Variants in SFXN5 observed in about 807,000 individuals in gnomAD.
The protein encoded by SFXN5 is sideroflexin-5.
SFXN5 carries 43 observed loss-of-function variants against 50.2 expected under a neutral mutation model. The ratio of observed to expected loss-of-function variants is 0.86; its 90% CI spans 0.67 to 1.11. SFXN5 has a LOEUF of 1.11. Among genes scored for constraint, SFXN5 ranks in the 50% least tolerant of loss-of-function variants. The pLI, the probability that SFXN5 is intolerant of heterozygous loss-of-function variation, is 0.00. For synonymous variants in SFXN5, 203 were observed against 185.8 expected, an observed-to-expected ratio of 1.09 and a Z score of -0.75; for missense variants, 463 against 454.1, an observed-to-expected ratio of 1.02 and a Z score of -0.18.
chr2:72,957,148 T>C, intron 13 of SFXN5: 1 of 448,942 alleles, frequency 2.2e-6, no homozygotes, highest in African/African-American at 2.0e-5. Flanking sequence ...CTCCCCCCCA[T>C]ACACTGAAGG....
intron 2 of SFXN5, among the ~76,000 whole-genome samples, chr2:73,048,709 T>C (rs934046138): frequency 6.6e-6 from 1 of 152,328 alleles, no homozygotes; most frequent in Admixed American, 6.5e-5. Flanking sequence ...GGATGCTAAG[T>C]TTGGTCATCT....
chr2:72,943,425 G>A lies in SFXN5; in HGVS notation c.*1597C>T. The A allele has an allele frequency of 6.5e-6, 1 of 152,914 alleles. No homozygotes were observed. Among genetic ancestry groups the A allele is most frequent in the Non-Finnish European group, 1.5e-5 (1 of 68,294 alleles). The allele number at this position is 152,914 out of a possible 1,614,324, so 9.5% of individuals were successfully genotyped here. ...TTCTAGGTGGGGTCAGGAGGGGGCT[G>A]CACTGAGGCTGGTGCTTCCCCCTGG... is the stretch of plus-strand genomic sequence containing the variant. On this transcript the variant is annotated 3_prime_UTR_variant, in exon 14 of 14. Transcript: ENST00000272433.
At position 73,047,219 on chromosome 2, in the gene SFXN5, TAAAAAAAAAAAAA is replaced by T. The variant is rs748772614; in HGVS notation, c.172-6301_172-6289del. ...GGTGACAGAGTGAGACTCCATCTCG[TAAAAAAAAAAAAA>T]AAAAAAAAAAAAAATATATATATAT... On this transcript the variant is annotated intron_variant, in intron 2 of 13. Transcript: ENST00000272433. Among the ~76,000 whole-genome samples the T allele has an allele frequency of 3.0e-3, 83 of 27,472 alleles. 2 individuals carry two copies. Among genetic ancestry groups the T allele is most frequent in the South Asian group, 7.5e-3 (4 of 536 alleles). The allele number at this position is 27,472 out of a possible 152,430, so 18.0% of individuals were successfully genotyped here.
intron 1 of SFXN5, 133 bp downstream of exon 1, chr2:73,071,470 TC>T (rs988189185): frequency 9.2e-5 from 68 of 741,818 alleles, no homozygotes; most frequent in Admixed American, 2.5e-4. Flanking sequence ...TGACCGAGGT[TC>T]CCCCCCTGGC....
intron 10 of SFXN5, among the ~76,000 whole-genome samples, chr2:72,981,932 C>A (rs142718296): frequency 6.6e-6 from 1 of 151,988 alleles, no homozygotes; most frequent in African/African-American, 2.4e-5. Flanking sequence ...GTTTCATCCT[C>A]TATAAAACTT....
At chr2:73,051,276 T>TTTTTTAGACG (rs1681285952) in intron 2 of SFXN5, among the ~76,000 whole-genome samples, 1 of 150,460 alleles carries the variant, frequency 6.6e-6, no homozygotes, top group Non-Finnish European at 1.5e-5. Flanking sequence ...TTTTTTTTTT[T>TTTTTTAGACG]GAGACGGAGT....
At chr2:73,054,754 T>G (rs1007323967) in intron 2 of SFXN5, among the ~76,000 whole-genome samples, 1 of 152,214 alleles carries the variant, frequency 6.6e-6, no homozygotes, top group African/African-American at 2.4e-5. Flanking sequence ...ATCAAATAGG[T>G]GGCATTTATG....
rs113524297 is a variant in SFXN5 at position 72,973,693 on chromosome 2, G to A, written c.626-2008C>T. Among the ~76,000 whole-genome samples, 18 of 152,286 alleles carry A rather than the reference G, an allele frequency of 1.2e-4. No individual in the cohort carries two copies. The East Asian group carries it at 1.4e-3, about 11-fold the overall frequency. ...CCAATTCTGGCTCCATATCTCTCCC[G>A]CCTCAGCCCCAGGCGCCCAGGGCTC... On this transcript the variant is annotated intron_variant, in intron 10 of 13. Transcript: ENST00000272433. This position sits in a 1 kb window ranked among gnomAD's most constrained non-coding sequence, Gnocchi z 5.5.
intron 10 of SFXN5, among the ~76,000 whole-genome samples, chr2:72,987,416 C>T (rs1042953762): frequency 4.0e-5 from 6 of 151,786 alleles, no homozygotes; most frequent in African/African-American, 1.2e-4. Context: ...CCTAGATGTG[C>T]TTTTTAACTA....
chr2:73,053,929 G>T (rs1383090585), intron 2 of SFXN5, among the ~76,000 whole-genome samples: 1 of 152,200 alleles, frequency 6.6e-6, no homozygotes, highest in Non-Finnish European at 1.5e-5. Flanking sequence ...TATGAGCCAT[G>T]GTCTGTGGAC....
intron 10 of SFXN5, among the ~76,000 whole-genome samples, chr2:72,974,391 T>A (rs898585938): frequency 2.0e-5 from 3 of 151,734 alleles, no homozygotes; most frequent in Non-Finnish European, 2.9e-5. Context: ...ACCACTGAGA[T>A]GAAAGATGAA....
intron 2 of SFXN5, chr2:73,058,293 T>G: frequency 2.3e-6 from 1 of 437,616 alleles, no homozygotes; most frequent in Non-Finnish European, 4.1e-6. Flanking sequence ...TGTTGTGAGA[T>G]CCAAATGATA....
chr2:73,016,777 G>T (rs769617414), intron 6 of SFXN5, among the ~76,000 whole-genome samples: 1 of 152,150 alleles, frequency 6.6e-6, no homozygotes, highest in South Asian at 2.1e-4. Context: ...GTGCAAAAGG[G>T]TGTACGGATG....
intron 6 of SFXN5, among the ~76,000 whole-genome samples, chr2:73,008,374 A>T (rs1675011843): frequency 6.6e-6 from 1 of 151,882 alleles, no homozygotes; most frequent in Non-Finnish European, 1.5e-5. Flanking sequence ...AGGAGAGGGG[A>T]GGGAAGCAGT....
At chr2:73,004,089 T>C (rs1340896237) in intron 6 of SFXN5, among the ~76,000 whole-genome samples, 3 of 152,178 alleles carry the variant, frequency 2.0e-5, no homozygotes, top group Non-Finnish European at 4.4e-5. Flanking sequence ...AATTCAGTAA[T>C]CTGTCCATAG....
chr2:73,063,771 T>C (rs563042543), intron 1 of SFXN5, among the ~76,000 whole-genome samples: 10 of 152,344 alleles, frequency 6.6e-5, no homozygotes, highest in Middle Eastern at 3.4e-3. Flanking sequence ...ATAGATCCTG[T>C]GGGTCCTCGT....
intron 2 of SFXN5, 116 bp from the exon 3 acceptor site, chr2:73,041,047 C>G (rs77015747): frequency 2.9e-6 from 2 of 696,312 alleles, no homozygotes; most frequent in East Asian, 5.7e-5. Flanking sequence ...TGGGCCTGCC[C>G]TCAGTTCATG....
Position 72,961,652 on chromosome 2 carries a change from C to T in SFXN5, c.828-404G>A, listed in dbSNP as rs1332510158. Among the ~76,000 whole-genome samples, 1 of 152,104 alleles carries T rather than the reference C, an allele frequency of 6.6e-6. No homozygotes were observed. Among genetic ancestry groups the T allele is most frequent in the African/African-American group, 2.4e-5 (1 of 41,414 alleles). Reference sequence around the variant, plus strand: ...CGTAAGATCGCTCTCGAGGGCAGCACGTAATTAAACAGCAAAGAAACCAGA... The same window carrying T: ...CGTAAGATCGCTCTCGAGGGCAGCATGTAATTAAACAGCAAAGAAACCAGA... On this transcript the variant is annotated intron_variant, in intron 12 of 13. Coordinates refer to ENST00000272433, the MANE Select transcript of SFXN5 (RefSeq NM_144579.3). This position sits in a 1 kb window ranked among gnomAD's most constrained non-coding sequence, Gnocchi z 4.4.
intron 7 of SFXN5, among the ~76,000 whole-genome samples, chr2:73,001,181 G>A (rs1253858287): frequency 6.6e-6 from 1 of 152,194 alleles, no homozygotes; most frequent in East Asian, 1.9e-4. Context: ...TGAGGCTATG[G>A]GCCTCAGGGT....
Sources: gnomAD v4.1 joint callset for allele counts (sites outside exome capture counted in the v4.1 genomes callset) on GRCh38, gnomAD v4.1.1 for gene constraint, Gnocchi (gnomAD v3.1) non-coding constraint, MANE v1.5 for transcripts, NCBI Gene and HGNC (gene_info 2026-07-23, HGNC 2026-07-21) for gene names.